Variants in CAMTA1 observed in about 807,000 individuals in gnomAD.
The protein encoded by CAMTA1 is calmodulin-binding transcription activator 1.
CAMTA1 carries 27 observed loss-of-function variants against 170.9 expected under a neutral mutation model. That is an observed-to-expected ratio of 0.16 (90% CI 0.12 to 0.22). CAMTA1 has a LOEUF of 0.22. Among genes scored for constraint, CAMTA1 ranks in the 10% least tolerant of loss-of-function variants. The pLI, the probability that CAMTA1 is intolerant of heterozygous loss-of-function variation, is 1.00. For synonymous variants in CAMTA1, 833 were observed against 891.5 expected (o/e 0.93, Z 1.17); for missense variants, 1,619 against 2,217.2 (o/e 0.73, Z 5.42).
chr1:6,885,731 A>T (rs1447950014), intron 3 of CAMTA1, among the ~76,000 whole-genome samples: 1 of 152,158 alleles, frequency 6.6e-6, no homozygotes, highest in Non-Finnish European at 1.5e-5. Flanking sequence ...AAGCAGAGAA[A>T]TACCAAACCC....
intron 5 of CAMTA1, among the ~76,000 whole-genome samples, chr1:7,361,868 C>T (rs1300675780): frequency 6.6e-6 from 1 of 152,196 alleles, no homozygotes; most frequent in African/African-American, 2.4e-5. Context: ...GTTTCCTTTC[C>T]TCTCTTTCTG....
chr1:7,723,300 G>A (rs950229991), intron 11 of CAMTA1, among the ~76,000 whole-genome samples: 10 of 152,194 alleles, frequency 6.6e-5, no homozygotes, highest in Non-Finnish European at 1.2e-4. Context: ...AGGGGCATAA[G>A]GGTCAGCCGG....
chr1:7,302,281 G>A (rs940054861), intron 5 of CAMTA1, among the ~76,000 whole-genome samples: 3 of 151,796 alleles, frequency 2.0e-5, no homozygotes, highest in African/African-American at 7.3e-5. Flanking sequence ...ATCCCCTCCC[G>A]CACCTGGCCC....
chr1:7,669,225 G>A (rs1019347270), intron 9 of CAMTA1, among the ~76,000 whole-genome samples: 3 of 152,258 alleles, frequency 2.0e-5, no homozygotes, highest in Non-Finnish European at 4.4e-5. Flanking sequence ...CCAGGCCAGA[G>A]CCAGGCTCAT....
At chr1:7,636,570 A>G (rs185207326) in intron 6 of CAMTA1, among the ~76,000 whole-genome samples, 28 of 152,238 alleles carry the variant, frequency 1.8e-4, no homozygotes, top group African/African-American at 5.5e-4. Context: ...TTAGCCGGGC[A>G]TGGTGGCAGA....
intron 5 of CAMTA1, among the ~76,000 whole-genome samples, chr1:7,321,793 C>A (rs1036895029): frequency 6.6e-6 from 1 of 152,116 alleles, no homozygotes; most frequent in Non-Finnish European, 1.5e-5. Context: ...GAGTCCATCC[C>A]CCTTTATCCT....
chr1:7,173,337 C>T lies in CAMTA1; in HGVS notation c.303-76154C>T, dbSNP rs17030465. Among the ~76,000 whole-genome samples, 2,772 of 152,232 alleles carry T rather than the reference C, an allele frequency of 0.018. 82 individuals carry two copies. Among genetic ancestry groups the T allele is most frequent in the African/African-American group, 0.064 (2,642 of 41,516 alleles). ...CAGGGCCTGGCCGTGACTGAGGCTC[C>T]ACGAACGCTGGCTCCCTTCTTAAAT... On this transcript the variant is annotated intron_variant, in intron 4 of 22. Coordinates refer to ENST00000303635, the MANE Select transcript of CAMTA1 (RefSeq NM_015215.4). The surrounding 1 kb of genome is among the most constrained non-coding windows in gnomAD (Gnocchi z 5.4).
At chr1:7,431,670 C>CCA (rs2092164035) in intron 5 of CAMTA1, among the ~76,000 whole-genome samples, 1 of 152,222 alleles carries the variant, frequency 6.6e-6, no homozygotes, top group Admixed American at 6.5e-5. Context: ...GCCGCTCAAG[C>CCA]ATACCCCAGC....
intron 5 of CAMTA1, among the ~76,000 whole-genome samples, chr1:7,270,674 G>A (rs1053662917): frequency 2.0e-5 from 3 of 152,094 alleles, no homozygotes; most frequent in South Asian, 2.1e-4. Context: ...ATAAAGGAAC[G>A]AGGAGCACTA....
chr1:7,341,487 A>T (rs2083829685), intron 5 of CAMTA1, among the ~76,000 whole-genome samples: 2 of 152,178 alleles, frequency 1.3e-5, no homozygotes, highest in Admixed American at 1.3e-4. Context: ...TAGGTGCGAG[A>T]TTGTCTCTGG....
At chr1:7,220,779 C>T (rs1297211224) in intron 4 of CAMTA1, among the ~76,000 whole-genome samples, 1 of 152,252 alleles carries the variant, frequency 6.6e-6, no homozygotes, top group Non-Finnish European at 1.5e-5. Flanking sequence ...CAGGTGGCAC[C>T]TGCTGTCCCC....
intron 7 of CAMTA1, among the ~76,000 whole-genome samples, chr1:7,643,940 C>A (rs2095785892): frequency 6.6e-6 from 1 of 152,228 alleles, no homozygotes. Flanking sequence ...AAGAAGACCT[C>A]AGATTTGATT....
intron 4 of CAMTA1, among the ~76,000 whole-genome samples, chr1:7,116,368 G>C (rs911917517): frequency 6.6e-6 from 1 of 152,146 alleles, no homozygotes; most frequent in East Asian, 1.9e-4. Context: ...AGGTTTTCTT[G>C]GTTTTCCTTA....
chr1:7,231,430 T>C (rs1409006883), intron 4 of CAMTA1, among the ~76,000 whole-genome samples: 1 of 151,940 alleles, frequency 6.6e-6, no homozygotes, highest in Non-Finnish European at 1.5e-5. Flanking sequence ...TGCAGTGGCA[T>C]GATCTCGTCT....
rs902421362 is a variant in CAMTA1 at position 7,767,068 on chromosome 1, G to C, written c.*577G>C. ...ACTGTTTATTTTTGTTTGTTTGTTTGTTTGTTTTAATCTCTACAGCACATT... is the reference window on the plus strand; with the variant it reads ...ACTGTTTATTTTTGTTTGTTTGTTTCTTTGTTTTAATCTCTACAGCACATT... On this transcript the variant is annotated 3_prime_UTR_variant, in exon 23 of 23. Transcript: ENST00000303635. 2 of 152,764 alleles carry C rather than the reference G, an allele frequency of 1.3e-5. No individual in the cohort carries two copies. Among genetic ancestry groups the C allele is most frequent in the Non-Finnish European group, 2.9e-5 (2 of 68,192 alleles). 9.5% of individuals were successfully genotyped at this position (152,764 alleles called of 1,614,324 possible). A position where few individuals can be genotyped will look rare whatever the true frequency, so the allele number is the denominator to read the frequency against.
intron 6 of CAMTA1, among the ~76,000 whole-genome samples, chr1:7,576,095 A>G (rs12059011): frequency 0.15 from 22,279 of 151,628 alleles, 5,303 homozygotes; most frequent in African/African-American, 0.5. Flanking sequence ...TGCAACCTCC[A>G]CCTCCCAGGT....
intron 4 of CAMTA1, among the ~76,000 whole-genome samples, chr1:7,162,720 AC>A (rs887979347): frequency 6.6e-6 from 1 of 152,126 alleles, no homozygotes; most frequent in African/African-American, 2.4e-5. Context: ...CAGTTGATGG[AC>A]ATTTAGGTTG....
chr1:7,131,681 T>C (rs868208622), intron 4 of CAMTA1, among the ~76,000 whole-genome samples: 1 of 152,244 alleles, frequency 6.6e-6, no homozygotes, highest in South Asian at 2.1e-4. Context: ...CTGTTTCATT[T>C]TTCCGTATGT....
At chr1:7,720,761 A>G (rs1340707857) in intron 11 of CAMTA1, among the ~76,000 whole-genome samples, 1 of 152,236 alleles carries the variant, frequency 6.6e-6, no homozygotes, top group Non-Finnish European at 1.5e-5. Context: ...GTGCCTGTGA[A>G]GAAGTCACCT....
Sources: allele counts gnomAD v4.1 joint callset (sites outside exome capture counted in the v4.1 genomes callset), GRCh38; gene constraint gnomAD v4.1.1; non-coding constraint Gnocchi (gnomAD v3.1); transcripts MANE v1.5; gene names NCBI Gene and HGNC (gene_info 2026-07-23, HGNC 2026-07-21).